SERF1B: variants seen among roughly 807,000 people sequenced by gnomAD.
SERF1B encodes small EDRK-rich factor 1B, also known as small EDRK-rich factor 1.
intron 2 of SERF1B, among the ~76,000 whole-genome samples, chr5:70,041,310 C>G (rs1228338767): frequency 6.8e-6 from 1 of 147,472 alleles, no homozygotes; most frequent in East Asian, 1.9e-4. Context: ...TATATACACA[C>G]ACGTATACTC....
chr5:70,028,534 CAG>C (rs1261270933), intron 2 of SERF1B, among the ~76,000 whole-genome samples: 2 of 139,706 alleles, frequency 1.4e-5, no homozygotes, highest in African/African-American at 2.7e-5. Flanking sequence ...GCCTGGGTGA[CAG>C]AGCGAGACTC....
chr5:70,029,109 A>G (rs1774107310), intron 2 of SERF1B, among the ~76,000 whole-genome samples: 1 of 151,630 alleles, frequency 6.6e-6, no homozygotes, highest in Non-Finnish European at 1.5e-5. Flanking sequence ...AAAGCACCCT[A>G]GGTAAATTTT....
intron 2 of SERF1B, among the ~76,000 whole-genome samples, chr5:70,038,309 C>G (rs1315925880): frequency 7.1e-6 from 1 of 140,552 alleles, no homozygotes; most frequent in Non-Finnish European, 1.5e-5. Context: ...TAACCCATTT[C>G]CTGTTTAGAA....
At chr5:70,036,623 A>ACTCT (rs1561408550) in intron 2 of SERF1B, among the ~76,000 whole-genome samples, 11 of 83,414 alleles carry the variant, frequency 1.3e-4, no homozygotes, top group Admixed American at 6.9e-4. Flanking sequence ...ACACACACAC[A>ACTCT]CACACACTCT....
intron 2 of SERF1B, among the ~76,000 whole-genome samples, chr5:70,036,629 A>ACACACACACTCTCT (rs763495681): frequency 8.4e-4 from 42 of 49,882 alleles, no homozygotes; most frequent in African/African-American, 1.9e-3. Flanking sequence ...ACACACACAC[A>ACACACACACTCTCT]CTCTCTCTCT....
At chr5:70,028,903 G>T (rs1250114861) in intron 2 of SERF1B, among the ~76,000 whole-genome samples, 1 of 151,112 alleles carries the variant, frequency 6.6e-6, no homozygotes, top group Non-Finnish European at 1.5e-5. Context: ...CGTGAACCCG[G>T]GAGGCGGAGC....
At chr5:70,029,803 G>A in intron 2 of SERF1B, 1 of 447,254 alleles carries the variant, frequency 2.2e-6, no homozygotes, top group Non-Finnish European at 4.5e-6. Context: ...CTGGAGTGCA[G>A]TGCCACAGTC....
intron 2 of SERF1B, among the ~76,000 whole-genome samples, chr5:70,038,414 T>G (rs1408269368): frequency 1.0e-5 from 1 of 99,134 alleles, no homozygotes; most frequent in Admixed American, 1.1e-4. Flanking sequence ...ATCGAGACCG[T>G]CCTGGCTAAC....
chr5:70,037,533 CA>C (rs1373311121), intron 2 of SERF1B, among the ~76,000 whole-genome samples: 5 of 150,094 alleles, frequency 3.3e-5, no homozygotes, highest in African/African-American at 9.9e-5. Flanking sequence ...CCTGTAATAC[CA>C]GCTACTTGGG....
chr5:70,036,631 T>A (rs2972188), intron 2 of SERF1B, among the ~76,000 whole-genome samples: 3,025 of 72,794 alleles, frequency 0.042, 51 homozygotes, highest in Middle Eastern at 0.064. Flanking sequence ...ACACACACAC[T>A]CTCTCTCTCT....
At chr5:70,038,288 A>C (rs1351985617) in intron 2 of SERF1B, among the ~76,000 whole-genome samples, 11 of 146,856 alleles carry the variant, frequency 7.5e-5, no homozygotes, top group Non-Finnish European at 1.5e-4. Context: ...TTTCATACAG[A>C]GTTACGTATT....
intron 2 of SERF1B, among the ~76,000 whole-genome samples, chr5:70,035,386 T>TTTTTA (rs1554065477): frequency 8.1e-6 from 1 of 123,344 alleles, no homozygotes; most frequent in East Asian, 2.1e-4. Flanking sequence ...TATTATTATT[T>TTTTTA]TTTTTTTTTT....
intron 2 of SERF1B, chr5:70,032,206 C>CTA: frequency 8.5e-7 from 1 of 1,182,542 alleles, no homozygotes; most frequent in Non-Finnish European, 1.2e-6. Context: ...AAGTTTATAT[C>CTA]CTCTTTTAAA....
chr5:70,036,505 T>C (rs1774185779), intron 2 of SERF1B, among the ~76,000 whole-genome samples: 1 of 101,662 alleles, frequency 9.8e-6, no homozygotes, highest in Admixed American at 1.0e-4. Context: ...GAGGATCACC[T>C]GAACCCAGAA....
intron 2 of SERF1B, among the ~76,000 whole-genome samples, chr5:70,037,260 TG>T (rs1774202938): frequency 1.9e-5 from 1 of 53,660 alleles, no homozygotes; most frequent in Non-Finnish European, 3.7e-5. Context: ...CCCAGCTACT[TG>T]GGGGACTGAG....
chr5:70,036,390 C>T (rs62374799), intron 2 of SERF1B, among the ~76,000 whole-genome samples: 2,062 of 84,806 alleles, frequency 0.024, 30 homozygotes, highest in Non-Finnish European at 0.033. Context: ...AGTTTGAGAC[C>T]AGCCTGGGCA....
intron 2 of SERF1B, among the ~76,000 whole-genome samples, chr5:70,036,629 ACTCTCT>A (rs1554065559): frequency 5.4e-4 from 27 of 49,870 alleles, no homozygotes; most frequent in South Asian, 2.0e-3. Context: ...ACACACACAC[ACTCTCT>A]CTCTCTCTCT....
intron 2 of SERF1B, 114 bp from the exon 3 acceptor site, chr5:70,041,410 A>T: frequency 4.4e-6 from 3 of 680,686 alleles, no homozygotes; most frequent in South Asian, 3.4e-5. Flanking sequence ...AAACATGCAT[A>T]CACACACATA....
intron 2 of SERF1B, 74 bp from the exon 3 acceptor site, chr5:70,041,450 T>G: frequency 1.6e-6 from 1 of 633,582 alleles, no homozygotes. Flanking sequence ...GGAATGTATT[T>G]GATTCTGAGA....
Sources: gnomAD v4.1 joint callset for allele counts (sites outside exome capture counted in the v4.1 genomes callset) on GRCh38, gnomAD v4.1.1 for gene constraint, MANE v1.5 for transcripts, NCBI Gene and HGNC (gene_info 2026-07-23, HGNC 2026-07-21) for gene names.